The following SRGAP2B variants were observed in gnomAD, a reference collection of about 807,000 sequenced individuals.
The protein encoded by SRGAP2B is SLIT-ROBO Rho GTPase-activating protein 2B.
A neutral mutation model predicts 22.2 loss-of-function variants in SRGAP2B; 9 were observed. The observed-to-expected ratio is 0.41, with a 90% CI of 0.24 to 0.71. The LOEUF (loss-of-function observed/expected upper bound fraction) is 0.71. Ranked by LOEUF, SRGAP2B falls within the 30% of genes least tolerant of loss-of-function variation. SRGAP2B has a pLI of 0.35. For missense variants in SRGAP2B, 114 were observed against 235.8 expected (o/e 0.48, Z 3.38); for synonymous variants, 36 against 87.4 (o/e 0.41, Z 3.28).
At chr1:144,947,715 A>G (rs1666570134) in intron 4 of SRGAP2B, among the ~76,000 whole-genome samples, 1 of 78,860 alleles carries the variant, frequency 1.3e-5, no homozygotes, top group African/African-American at 5.6e-5. Flanking sequence ...TGGGTTGCCT[A>G]GAGAAACTAG....
chr1:144,957,153 C>T (rs1471702477), intron 3 of SRGAP2B, among the ~76,000 whole-genome samples: 2 of 150,834 alleles, frequency 1.3e-5, no homozygotes, highest in Non-Finnish European at 2.9e-5. Flanking sequence ...TCCCCCTTTC[C>T]TCTCTTCTCC....
At chr1:145,056,987 ACACACG>A (rs1650462878) in intron 2 of SRGAP2B, among the ~76,000 whole-genome samples, 148 of 143,232 alleles carry the variant, frequency 1.0e-3, no homozygotes, top group Admixed American at 1.2e-3. Context: ...ACACACACAC[ACACACG>A]CAAACTCCTC....
chr1:144,989,713 AT>A (rs1670029685), intron 3 of SRGAP2B, among the ~76,000 whole-genome samples: 1 of 150,086 alleles, frequency 6.7e-6, no homozygotes, highest in African/African-American at 2.5e-5. Context: ...CCAGAATATG[AT>A]CAGGCAGGAA....
In SRGAP2B at chr1:144,908,199, G is replaced by A. The variant is rs1156619519; in HGVS notation, c.487-2125C>T. On this transcript the variant is annotated intron_variant, in intron 5 of 9. Transcript: ENST00000612199. Reference sequence around the variant, plus strand: ...AAAAGCTTAGTGAGAAGTTACAAAAGTGAGTGCTTTTTTTCTTTTTGAAAG... The same window carrying A: ...AAAAGCTTAGTGAGAAGTTACAAAAATGAGTGCTTTTTTTCTTTTTGAAAG... Among the ~76,000 whole-genome samples, 246 of 149,492 alleles carry A rather than the reference G, an allele frequency of 1.6e-3. 3 individuals carry two copies. The highest frequency in any genetic ancestry group is 1.9e-3 in the Non-Finnish European group (129 of 67,662).
intron 3 of SRGAP2B, chr1:144,965,165 A>C (rs1667981415): frequency 1.8e-6 from 2 of 1,109,014 alleles, no homozygotes; most frequent in Non-Finnish European, 2.7e-6. Flanking sequence ...GGAGGAGCCA[A>C]GATGGCCGAA....
chr1:145,045,228 C>CG (rs1285861708), intron 2 of SRGAP2B, among the ~76,000 whole-genome samples: 1 of 109,244 alleles, frequency 9.2e-6, no homozygotes, highest in African/African-American at 3.8e-5. Flanking sequence ...ACCCGGGAGG[C>CG]GGAGCTTGCA....
At chr1:145,039,401 GA>G (rs1466354204) in intron 2 of SRGAP2B, among the ~76,000 whole-genome samples, 54 of 111,900 alleles carry the variant, frequency 4.8e-4, no homozygotes, top group African/African-American at 1.8e-3. Context: ...CTCGAGCCCA[GA>G]AGGTCGAGGC....
At chr1:144,914,179 C>G (rs1400564023) in intron 5 of SRGAP2B, among the ~76,000 whole-genome samples, 34 of 151,944 alleles carry the variant, frequency 2.2e-4, no homozygotes, top group African/African-American at 8.3e-4. Flanking sequence ...GAAGCCAGTG[C>G]AAAGCTCTCT....
chr1:145,013,850 G>A (rs1337016262), intron 2 of SRGAP2B, among the ~76,000 whole-genome samples: 2 of 150,750 alleles, frequency 1.3e-5, no homozygotes. Flanking sequence ...TATGCACAAC[G>A]ATTAGGGGTG....
chr1:145,017,734 C>CTA lies in SRGAP2B; in HGVS notation c.68-22536_68-22535dup, dbSNP rs750858680. Among the ~76,000 whole-genome samples the CTA allele has an allele frequency of 7.6e-3, 1,131 of 148,132 alleles. 22 individuals carry two copies. The highest frequency in any genetic ancestry group is 0.012 in the Non-Finnish European group (826 of 67,586). On this transcript the variant is annotated intron_variant, in intron 2 of 9. Coordinates refer to ENST00000612199, the Ensembl canonical transcript of SRGAP2B. ...GCGCAGAGCTGGCATAAATGTTGAA[C>CTA]TAAAATAAATGGAAATGAGTTGTGC...
At chr1:144,954,048 C>A (rs587672286) in intron 4 of SRGAP2B, among the ~76,000 whole-genome samples, 1 of 139,762 alleles carries the variant, frequency 7.2e-6, no homozygotes, top group East Asian at 2.0e-4. Context: ...ATGCTGGAAA[C>A]CATGGAGGAG....
At chr1:145,065,180 C>T (rs7515086) in intron 2 of SRGAP2B, among the ~76,000 whole-genome samples, 4 of 151,876 alleles carry the variant, frequency 2.6e-5, no homozygotes, top group Non-Finnish European at 4.4e-5. Flanking sequence ...ACCCGATCTG[C>T]TATGAAAGTT....
At position 144,974,122 on chromosome 1, in the gene SRGAP2B, C is replaced by A. The variant is rs1447145696; in HGVS notation, c.261-18521G>T. ...AGCTTGATTATCAACACAGTCCCAT[C>A]CTGATGGTTAAACCTATCAGTACAT... On this transcript the variant is annotated intron_variant, in intron 3 of 9. Coordinates refer to ENST00000612199, the Ensembl canonical transcript of SRGAP2B. 2.0e-5 allele frequency among the ~76,000 whole-genome samples: 3 copies of A among 150,272 alleles called. 1 individual carries two copies. The highest frequency in any genetic ancestry group is 7.5e-5 in the African/African-American group (3 of 39,958).
At chr1:144,955,522 T>A in exon 4 of SRGAP2B, 1 of 1,036,944 alleles carries the variant, frequency 9.6e-7, no homozygotes, top group Non-Finnish European at 1.5e-6. Context: ...CTCAGGGTGG[T>A]ATGGTCCCTG....
chr1:144,958,147 C>T (rs1438877995), intron 3 of SRGAP2B, among the ~76,000 whole-genome samples: 1 of 151,078 alleles, frequency 6.6e-6, no homozygotes, highest in Non-Finnish European at 1.5e-5. Flanking sequence ...AATGGTGGTA[C>T]AAACAAAAGG....
chr1:145,035,956 C>T (rs1195087155), intron 2 of SRGAP2B, among the ~76,000 whole-genome samples: 12 of 134,346 alleles, frequency 8.9e-5, no homozygotes, highest in African/African-American at 3.1e-4. Flanking sequence ...AAAAAAAAAA[C>T]CCACGATAAA....
chr1:144,932,414 T>C (rs1294854025), intron 4 of SRGAP2B, among the ~76,000 whole-genome samples: 1 of 151,084 alleles, frequency 6.6e-6, no homozygotes, highest in Non-Finnish European at 1.5e-5. Flanking sequence ...GTAGATGGGG[T>C]GGACTCGTCA....
In SRGAP2B at chr1:145,001,819, C is replaced by T. The variant is rs1460757880; in HGVS notation, c.68-6619G>A. ...GCCGATTACTAGAGCTCAGGAGTTC[C>T]AGATGAGCCTGGGCAACATGGCAAA... On this transcript the variant is annotated intron_variant, in intron 2 of 9. Transcript: ENST00000612199. Among the ~76,000 whole-genome samples the T allele has an allele frequency of 3.0e-4, 45 of 150,736 alleles. 1 individual carries two copies. The highest frequency in any genetic ancestry group is 3.0e-3 in the Admixed American group (45 of 15,166).
At chr1:145,009,598 A>C (rs1477405049) in intron 2 of SRGAP2B, among the ~76,000 whole-genome samples, 2 of 150,304 alleles carry the variant, frequency 1.3e-5, no homozygotes, top group African/African-American at 2.5e-5. Context: ...AAAAAAAAAA[A>C]AAACAAAATT....
Sources: allele counts gnomAD v4.1 joint callset (sites outside exome capture counted in the v4.1 genomes callset), GRCh38; gene constraint gnomAD v4.1.1; transcripts MANE v1.5; gene names NCBI Gene and HGNC (gene_info 2026-07-23, HGNC 2026-07-21).